Variants in MROH2A observed in about 807,000 individuals in gnomAD.
MROH2A encodes the protein maestro heat like repeat family member 2A.
MROH2A carries 174 observed loss-of-function variants against 200.4 expected under a neutral mutation model. The ratio of observed to expected loss-of-function variants is 0.87; its 90% CI spans 0.77 to 0.98. MROH2A has a LOEUF of 0.98. MROH2A is among the 50% of genes least tolerant of loss of function. The pLI is 0.00. For synonymous variants in MROH2A, 829 were observed against 840.4 expected (o/e 0.99, Z 0.23); for missense variants, 2,045 against 2,139.6 (o/e 0.96, Z 0.87).
intron 6 of MROH2A, 36 bp from the exon 7 acceptor site, chr2:233,793,637 C>G (rs1016947389): frequency 6.7e-6 from 9 of 1,344,546 alleles, no homozygotes; most frequent in African/African-American, 4.6e-5. Flanking sequence ...TCCAGCCCCT[C>G]TGGCGCCAAG....
chr2:233,807,344 A>G lies in MROH2A; in HGVS notation c.2053-79A>G. ...CATTAAAATAAATTGAAAAATACGT[A>G]GAAAACTCTCTACAACAGCACCCCC... On this transcript the variant is annotated intron_variant, in intron 19 of 41. Transcript: ENST00000389758. This position sits in a 1 kb window ranked among gnomAD's most constrained non-coding sequence, Gnocchi z 4.3. 7.2e-7 allele frequency: 1 copy of G among 1,397,666 alleles called. No individual in the cohort carries two copies. Among genetic ancestry groups the G allele is most frequent in the Non-Finnish European group, 9.6e-7 (1 of 1,046,754 alleles). The allele number at this position is 1,397,666 out of a possible 1,614,324, so 86.6% of individuals were successfully genotyped here. A position where few individuals can be genotyped will look rare whatever the true frequency, so the allele number is the denominator to read the frequency against.
chr2:233,799,400 G>A (rs1232055264), intron 12 of MROH2A, among the ~76,000 whole-genome samples: 1 of 152,178 alleles, frequency 6.6e-6, no homozygotes, highest in African/African-American at 2.4e-5. Context: ...GTCCCTGGAG[G>A]CTGTGGAGGG....
At chr2:233,803,324 G>A (rs1236832383) in intron 15 of MROH2A, 124 bp from the exon 16 acceptor site, 4 of 973,690 alleles carry the variant, frequency 4.1e-6, no homozygotes, top group Admixed American at 2.2e-5. Context: ...CCATTCTGGG[G>A]GTTTGGGGAA....
At position 233,832,266 on chromosome 2, in the gene MROH2A, T is replaced by C; in HGVS notation, c.4824T>C (p.Ala1608=). The C allele has an allele frequency of 1.3e-6, 2 of 1,550,798 alleles. No individual in the cohort carries two copies. The highest frequency in any genetic ancestry group is 1.7e-6 in the Non-Finnish European group (2 of 1,147,074). ...KNNLSRIRIA[A]CNLAGIIMKQ... ...ACTTGTCAAGAATCAGAATCGCTGC[T>C]TGCAACTTGGCAGGTGAGCAGAGAG... The change falls in exon 40 of 42, where the codon GCT becomes GCC. Residue 1608 remains alanine (A), a synonymous_variant. Transcript: ENST00000389758.
At chr2:233,792,315 C>CT (rs550589309) in intron 5 of MROH2A, among the ~76,000 whole-genome samples, 9,642 of 141,174 alleles carry the variant, frequency 0.068, 775 homozygotes, top group African/African-American at 0.2. Context: ...TTCTAGCTCA[C>CT]TTTTTTTTTT....
intron 15 of MROH2A, 22 bp from the exon 16 acceptor site, chr2:233,803,426 G>T: frequency 6.4e-7 from 1 of 1,550,456 alleles, no homozygotes; most frequent in Non-Finnish European, 8.7e-7. Context: ...GGCTCAGCTG[G>T]GGTTGCATTT....
rs572176084 is a variant in MROH2A at position 233,795,536 on chromosome 2, C to A, written c.967-117C>A. ...GGGCCTGAGAGTCTGCATTTCTAAT[C>A]AGCTCCCAGGGAATGCTGGTGCTCA... On this transcript the variant is annotated intron_variant, in intron 8 of 41. Transcript: ENST00000389758. The A allele has an allele frequency of 4.0e-4, 586 of 1,467,364 alleles. 2 individuals carry two copies. The African/African-American group carries it at 7.5e-3, about 19-fold the overall frequency. The allele number at this position is 1,467,364 out of a possible 1,614,324, so 90.9% of individuals were successfully genotyped here.
At chr2:233,831,322 C>T in intron 38 of MROH2A, 87 bp from the exon 39 acceptor site, 1 of 1,429,546 alleles carries the variant, frequency 7.0e-7, no homozygotes. Flanking sequence ...TTTTCTGGGG[C>T]TGCCCTCTGG....
At chr2:233,780,677 G>A (rs901588433) in intron 3 of MROH2A, among the ~76,000 whole-genome samples, 4 of 152,078 alleles carry the variant, frequency 2.6e-5, no homozygotes, top group East Asian at 1.9e-4. Context: ...TGTAATGACC[G>A]AATCAGGGTA....
Position 233,820,610 on chromosome 2 carries a change from A to C in MROH2A, c.3512+554A>C, listed in dbSNP as rs1038257751. Among the ~76,000 whole-genome samples the C allele has an allele frequency of 6.6e-5, 10 of 151,896 alleles. No homozygotes were observed. The highest frequency in any genetic ancestry group is 1.3e-4 in the Admixed American group (2 of 15,278). The stretch of plus-strand genomic sequence containing the variant: ...CCTGTGTGTGCTACAGCATGATGGC[A>C]CAGGCAGCTGGGCATGGTCTCCCCA... On this transcript the variant is annotated intron_variant, in intron 31 of 41. Coordinates refer to ENST00000389758, the MANE Select transcript of MROH2A (RefSeq NM_001394639.1). This position sits in a 1 kb window ranked among gnomAD's most constrained non-coding sequence, Gnocchi z 4.1.
Position 233,805,112 on chromosome 2 carries a change from G to T in MROH2A, c.2052+1G>T. 1.3e-6 allele frequency: 2 copies of T among 1,546,588 alleles called. No individual in the cohort carries two copies. The highest frequency in any genetic ancestry group is 1.7e-4 in the Middle Eastern group (1 of 5,982). Reference sequence around the variant, plus strand: ...CTTTGACAGCCCCTCTCTGGAGAAGGTTTGTCTTCATAGGGACAGGAGAGT... The same window carrying T: ...CTTTGACAGCCCCTCTCTGGAGAAGTTTTGTCTTCATAGGGACAGGAGAGT... On this transcript the variant is annotated splice_donor_variant, in intron 19 of 41. Coordinates refer to ENST00000389758, the MANE Select transcript of MROH2A (RefSeq NM_001394639.1). LOFTEE classifies it high-confidence loss of function.
intron 22 of MROH2A, 47 bp from the exon 23 acceptor site, chr2:233,810,747 G>T: frequency 3.2e-6 from 5 of 1,544,260 alleles, no homozygotes; most frequent in Non-Finnish European, 4.4e-6. Context: ...ATTCTTCTGG[G>T]GCTGCTCACA....
chr2:233,779,484 G>T, intron 2 of MROH2A, 32 bp downstream of exon 2: 1 of 1,506,678 alleles, frequency 6.6e-7, no homozygotes, highest in Non-Finnish European at 9.0e-7. Context: ...CTGCTTTCCT[G>T]CCCCATCTCA....
At chr2:233,789,376 A>G (rs1323471632) in intron 3 of MROH2A, 121 bp from the exon 4 acceptor site, 6 of 1,043,346 alleles carry the variant, frequency 5.8e-6, no homozygotes, top group African/African-American at 1.7e-5. Flanking sequence ...ATGGGGATCT[A>G]AGATTTGTGT....
chr2:233,831,655 A>G, intron 39 of MROH2A, 115 bp downstream of exon 39: 1 of 1,186,954 alleles, frequency 8.4e-7, no homozygotes, highest in Non-Finnish European at 1.2e-6. Flanking sequence ...CCTTCCACAC[A>G]TGCCATGTCG....
chr2:233,816,752 C>T (rs964170035), intron 26 of MROH2A, 29 bp from the exon 27 acceptor site: 21 of 1,473,576 alleles, frequency 1.4e-5, no homozygotes, highest in Non-Finnish European at 1.9e-5. Flanking sequence ...TTTTAACACC[C>T]ACTTTGGTGT....
chr2:233,819,111 A>G (rs1465498344), intron 29 of MROH2A, among the ~76,000 whole-genome samples: 1 of 152,204 alleles, frequency 6.6e-6, no homozygotes, highest in Non-Finnish European at 1.5e-5. Context: ...ACAGTGATGA[A>G]TGGAAGTGCC....
At chr2:233,809,374 GGAC>G in intron 22 of MROH2A, 96 bp downstream of exon 22, 1 of 1,349,626 alleles carries the variant, frequency 7.4e-7, no homozygotes, top group Non-Finnish European at 1.0e-6. Context: ...CCTACCCAGG[GGAC>G]ATCCAGGCAT....
intron 7 of MROH2A, among the ~76,000 whole-genome samples, chr2:233,794,117 C>T (rs1036190783): frequency 2.0e-5 from 3 of 152,270 alleles, no homozygotes; most frequent in South Asian, 4.1e-4. Context: ...TTCACACCCA[C>T]TCTGTGATAT....
Sources: gnomAD v4.1 joint callset for allele counts (sites outside exome capture counted in the v4.1 genomes callset) on GRCh38, gnomAD v4.1.1 for gene constraint, Gnocchi (gnomAD v3.1) non-coding constraint, MANE v1.5 for transcripts, NCBI Gene and HGNC (gene_info 2026-07-23, HGNC 2026-07-21) for gene names.